The following SBF2 variants were observed in gnomAD, a reference collection of about 807,000 sequenced individuals.
The protein encoded by SBF2 is SET binding factor 2.
In SBF2, 112 loss-of-function variants were observed where a neutral mutation model predicts 225.2. The ratio of observed to expected loss-of-function variants is 0.50; its 90% CI spans 0.43 to 0.58. SBF2 has a LOEUF of 0.58. SBF2 is among the 20% of genes least tolerant of loss of function. The probability of loss-of-function intolerance (pLI) is 0.00; values close to 1 mark genes in which losing one functional copy is unlikely to be tolerated. For missense variants in SBF2, 1,996 were observed against 2,206.2 expected (o/e 0.90, Z 1.91); for synonymous variants, 763 against 773.3 (o/e 0.99, Z 0.22).
rs529853462 is a variant in SBF2, at chr11:10,231,780, G to A, written c.56-37793C>T. Among the ~76,000 whole-genome samples the A allele has an allele frequency of 1.2e-4, 19 of 152,322 alleles. 1 individual carries two copies. In the South Asian group the frequency reaches 1.9e-3, roughly 15 times the overall value. On this transcript the variant is annotated intron_variant, in intron 1 of 39. Coordinates refer to ENST00000256190, the MANE Select transcript of SBF2 (RefSeq NM_030962.4). ...AGGGACCCACTTGAGGAGGCAGTCT[G>A]CCAGTTCTCAGATCTCAAGCTGCGT...
intron 16 of SBF2, among the ~76,000 whole-genome samples, chr11:9,923,717 G>A (rs1348777731): frequency 1.3e-5 from 2 of 152,138 alleles, no homozygotes; most frequent in African/African-American, 4.8e-5. Context: ...ACTTTGGAAT[G>A]TAACCCCTTA....
At chr11:10,304,665 T>G (rs1289338798) in exon 1 of SBF2, 2 of 152,246 alleles carry the variant, frequency 1.3e-5, no homozygotes, top group African/African-American at 4.8e-5. Flanking sequence ...GCTCCCCAGG[T>G]CCAGGGCTCG....
intron 2 of SBF2, among the ~76,000 whole-genome samples, chr11:10,124,873 G>C (rs998645645): frequency 3.9e-5 from 6 of 152,122 alleles, no homozygotes; most frequent in African/African-American, 9.7e-5. Flanking sequence ...GGGAGGCCGA[G>C]GCAGGCGGAT....
intron 17 of SBF2, among the ~76,000 whole-genome samples, chr11:9,869,891 T>C (rs756527156): frequency 6.6e-6 from 1 of 152,160 alleles, no homozygotes; most frequent in African/African-American, 2.4e-5. Context: ...AGTATTCAAA[T>C]AGAAAGAGAG....
At chr11:9,998,004 C>G (rs895729912) in intron 9 of SBF2, among the ~76,000 whole-genome samples, 1 of 152,126 alleles carries the variant, frequency 6.6e-6, no homozygotes, top group African/African-American at 2.4e-5. Context: ...TTTCCAATAC[C>G]TAGGACAGTA....
chr11:10,172,770 G>A (rs185146046), intron 2 of SBF2, among the ~76,000 whole-genome samples: 17 of 152,216 alleles, frequency 1.1e-4, no homozygotes, highest in Admixed American at 4.6e-4. Flanking sequence ...GGGTTCAAGC[G>A]ATTCTCATGC....
intron 12 of SBF2, among the ~76,000 whole-genome samples, chr11:9,991,311 A>G (rs796507202): frequency 5.3e-5 from 8 of 152,350 alleles, no homozygotes; most frequent in African/African-American, 1.9e-4. Context: ...TGCAGTAAAC[A>G]TATTCTACAC....
intron 16 of SBF2, among the ~76,000 whole-genome samples, chr11:9,922,950 C>G (rs904447114): frequency 6.6e-6 from 1 of 152,132 alleles, no homozygotes; most frequent in Non-Finnish European, 1.5e-5. Context: ...CAAAGTATGC[C>G]CACTAGGAAA....
intron 1 of SBF2, among the ~76,000 whole-genome samples, chr11:10,206,048 C>T (rs1327829397): frequency 6.6e-6 from 1 of 151,818 alleles, no homozygotes; most frequent in Non-Finnish European, 1.5e-5. Flanking sequence ...CAGAATCTCT[C>T]ATGTACTCCC....
intron 28 of SBF2, among the ~76,000 whole-genome samples, chr11:9,824,845 T>C (rs367834509): frequency 3.9e-5 from 6 of 152,152 alleles, no homozygotes; most frequent in African/African-American, 9.7e-5. Context: ...AACTTTCATA[T>C]GGTAAATAAA....
At chr11:10,103,086 A>C (rs2134976809) in intron 2 of SBF2, among the ~76,000 whole-genome samples, 1 of 152,274 alleles carries the variant, frequency 6.6e-6, no homozygotes, top group Admixed American at 6.5e-5. Flanking sequence ...ATTGGGTCTA[A>C]TATATTGTTT....
chr11:10,293,234 T>C (rs1431272030), intron 1 of SBF2, among the ~76,000 whole-genome samples: 1 of 152,232 alleles, frequency 6.6e-6, no homozygotes, highest in Non-Finnish European at 1.5e-5. Flanking sequence ...TTCTCTTAAG[T>C]TGTGGAAGTC....
At chr11:9,805,245 CAA>C (rs35459604) in intron 32 of SBF2, among the ~76,000 whole-genome samples, 3 of 137,022 alleles carry the variant, frequency 2.2e-5, no homozygotes, top group African/African-American at 2.8e-5. Flanking sequence ...GACTCTGTCT[CAA>C]AAAAAAAAAA....
At chr11:9,925,438 C>T (rs576408794) in intron 16 of SBF2, among the ~76,000 whole-genome samples, 16 of 152,240 alleles carry the variant, frequency 1.1e-4, no homozygotes, top group African/African-American at 3.1e-4. Flanking sequence ...CCACCACGCC[C>T]GACTAATTTT....
At chr11:10,095,687 G>C (rs1175072358) in intron 2 of SBF2, among the ~76,000 whole-genome samples, 3 of 152,168 alleles carry the variant, frequency 2.0e-5, no homozygotes, top group African/African-American at 7.2e-5. Flanking sequence ...GTTCCATGAG[G>C]ATAAGAAGAG....
intron 1 of SBF2, among the ~76,000 whole-genome samples, chr11:10,245,000 G>A (rs570651753): frequency 6.6e-6 from 1 of 151,668 alleles, no homozygotes; most frequent in African/African-American, 2.4e-5. Context: ...TGGGTGTGGT[G>A]GCACACGCAG....
In SBF2 at chr11:10,135,659, CATA is replaced by C. The variant is rs1954311309; in HGVS notation, c.141+58240_141+58242del. Among the ~76,000 whole-genome samples the C allele has an allele frequency of 5.3e-5, 8 of 152,322 alleles. No homozygotes were observed. In the South Asian group the frequency reaches 1.7e-3, roughly 32 times the overall value. On this transcript the variant is annotated intron_variant, in intron 2 of 39. Coordinates refer to ENST00000256190, the MANE Select transcript of SBF2 (RefSeq NM_030962.4). ...TCTGTCACCAGTCTCTTTGCTAAAA[CATA>C]ATAAGAGTCACTTTTGCTCCAGTTC...
chr11:10,087,176 G>A (rs945153933), intron 2 of SBF2, among the ~76,000 whole-genome samples: 1 of 152,040 alleles, frequency 6.6e-6, no homozygotes, highest in Non-Finnish European at 1.5e-5. Flanking sequence ...GTGCTTGTCA[G>A]TCAATCATTC....
chr11:9,988,522 C>T (rs1947287019), intron 13 of SBF2, among the ~76,000 whole-genome samples: 1 of 152,030 alleles, frequency 6.6e-6, no homozygotes, highest in Admixed American at 6.5e-5. Context: ...CAAAAGACGA[C>T]TATCCAGAAT....
Sources: gnomAD v4.1 joint callset for allele counts (sites outside exome capture counted in the v4.1 genomes callset) on GRCh38, gnomAD v4.1.1 for gene constraint, MANE v1.5 for transcripts, NCBI Gene and HGNC (gene_info 2026-07-23, HGNC 2026-07-21) for gene names.